The following TACC2 variants were observed in gnomAD, a reference collection of about 807,000 sequenced individuals.
TACC2 encodes transforming acidic coiled-coil-containing protein 2.
Under a neutral mutation model 227.3 loss-of-function variants are expected in TACC2, and 137 were observed. The observed-to-expected ratio is 0.60, with a 90% CI of 0.52 to 0.69. TACC2 has a LOEUF of 0.69. Ranked by LOEUF, TACC2 falls within the 30% of genes least tolerant of loss-of-function variation. The pLI is 0.00. For missense variants in TACC2, 3,470 were observed against 3,694.4 expected (o/e 0.94, Z 1.57); for synonymous variants, 1,523 against 1,487.5 (o/e 1.02, Z -0.55).
intron 18 of TACC2, 65 bp downstream of exon 18, chr10:122,238,102 G>A (rs1564794674): frequency 1.2e-5 from 16 of 1,319,246 alleles, no homozygotes; most frequent in South Asian, 6.0e-5. Context: ...AATAATGACC[G>A]GAGCTGGTGT....
intron 5 of TACC2, among the ~76,000 whole-genome samples, chr10:122,121,115 C>A (rs1201891177): frequency 6.6e-6 from 1 of 152,150 alleles, no homozygotes; most frequent in Non-Finnish European, 1.5e-5. Context: ...CCTGGGGTGC[C>A]TGAAGGAGCA....
chr10:122,214,000 T>A (rs1267793262), intron 9 of TACC2, among the ~76,000 whole-genome samples: 1 of 152,152 alleles, frequency 6.6e-6, no homozygotes, highest in African/African-American at 2.4e-5. Flanking sequence ...CATCTGTGGG[T>A]CACCCTGCCA....
chr10:122,116,283 G>A (rs930840015), intron 5 of TACC2, among the ~76,000 whole-genome samples: 1 of 152,166 alleles, frequency 6.6e-6, no homozygotes, highest in Non-Finnish European at 1.5e-5. Flanking sequence ...TGTCAGCTCT[G>A]TCCCCATCCC....
chr10:122,168,172 TG>T (rs2093291977), intron 7 of TACC2, among the ~76,000 whole-genome samples: 1 of 151,826 alleles, frequency 6.6e-6, no homozygotes, highest in South Asian at 2.1e-4. Flanking sequence ...CCCGAAGTGT[TG>T]GGATCACAGG....
chr10:122,151,720 T>G (rs778008199), intron 7 of TACC2, among the ~76,000 whole-genome samples: 1 of 152,298 alleles, frequency 6.6e-6, no homozygotes, highest in South Asian at 2.1e-4. Context: ...GTGGAAGTTG[T>G]TCCTGTGGTC....
At chr10:122,040,847 C>T (rs747442208) in intron 2 of TACC2, among the ~76,000 whole-genome samples, 11 of 152,164 alleles carry the variant, frequency 7.2e-5, no homozygotes, top group African/African-American at 2.2e-4. Flanking sequence ...TCAAGGAAGG[C>T]GCTTCTGGGG....
intron 5 of TACC2, chr10:122,126,719 G>A (rs372757758): frequency 1.3e-5 from 2 of 151,464 alleles, no homozygotes; most frequent in East Asian, 3.9e-4. Context: ...CATCTGGAAA[G>A]CCCTTTGCAC....
intron 7 of TACC2, among the ~76,000 whole-genome samples, chr10:122,187,162 T>C (rs2094229082): frequency 6.6e-6 from 1 of 151,710 alleles, no homozygotes; most frequent in African/African-American, 2.4e-5. Context: ...TGTTGGGGAG[T>C]GAGGAGTGAG....
intron 1 of TACC2, among the ~76,000 whole-genome samples, chr10:122,019,345 G>A (rs540339549): frequency 1.3e-5 from 2 of 152,316 alleles, no homozygotes; most frequent in Non-Finnish European, 1.5e-5. Flanking sequence ...TTTTGTATGT[G>A]CGTTTCCACA....
At chr10:122,033,462 C>T (rs1959193577) in intron 2 of TACC2, among the ~76,000 whole-genome samples, 1 of 152,214 alleles carries the variant, frequency 6.6e-6, no homozygotes, top group Non-Finnish European at 1.5e-5. Context: ...GGAGCCAATA[C>T]TAACCCCTCC....
intron 1 of TACC2, among the ~76,000 whole-genome samples, chr10:121,993,344 G>T (rs1241800015): frequency 6.6e-6 from 1 of 152,158 alleles, no homozygotes; most frequent in Non-Finnish European, 1.5e-5. Flanking sequence ...TATTTCCGAT[G>T]AAAATTAGAT....
chr10:122,132,043 A>AGAAT (rs2088273601), intron 5 of TACC2, among the ~76,000 whole-genome samples: 1 of 1,140 alleles, frequency 8.8e-4, no homozygotes, highest in Admixed American at 0.012. Context: ...AAAGAAAGAA[A>AGAAT]GAAAGAAAGA....
intron 7 of TACC2, among the ~76,000 whole-genome samples, chr10:122,156,372 C>T (rs758947268): frequency 5.3e-5 from 8 of 151,276 alleles, no homozygotes; most frequent in South Asian, 2.1e-4. Flanking sequence ...AACAGGCACT[C>T]GCCACCATGC....
intron 1 of TACC2, among the ~76,000 whole-genome samples, chr10:121,990,845 T>C (rs1335350783): frequency 3.9e-5 from 6 of 152,196 alleles, no homozygotes; most frequent in Admixed American, 2.0e-4. Context: ...TGGAGTGTAG[T>C]GTTGCCTTCT....
intron 5 of TACC2, among the ~76,000 whole-genome samples, chr10:122,093,321 G>A (rs1565286791): frequency 1.3e-5 from 2 of 152,182 alleles, no homozygotes; most frequent in Admixed American, 1.3e-4. Flanking sequence ...CACTGGAGCC[G>A]CTTCTCTCTT....
chr10:122,044,171 G>A (rs933482899), intron 2 of TACC2, among the ~76,000 whole-genome samples: 3 of 152,164 alleles, frequency 2.0e-5, no homozygotes, highest in African/African-American at 4.8e-5. Flanking sequence ...CTGCTCTATC[G>A]TGCTGTATCA....
At chr10:121,998,554 C>A (rs552178603) in intron 1 of TACC2, among the ~76,000 whole-genome samples, 1 of 152,066 alleles carries the variant, frequency 6.6e-6, no homozygotes, top group Admixed American at 6.6e-5. Flanking sequence ...ACCTTGCCAA[C>A]GTTTCGTAAG....
At chr10:122,125,705 G>C (rs2086703152) in intron 5 of TACC2, among the ~76,000 whole-genome samples, 1 of 151,310 alleles carries the variant, frequency 6.6e-6, no homozygotes, top group African/African-American at 2.4e-5. Context: ...TGGCTGTAAA[G>C]TCATCATTTT....
At chr10:122,159,987 G>A (rs1180576157) in intron 7 of TACC2, among the ~76,000 whole-genome samples, 1 of 152,142 alleles carries the variant, frequency 6.6e-6, no homozygotes, top group African/African-American at 2.4e-5. Flanking sequence ...GGCTCCGTCC[G>A]TTGAACCTCT....
Sources: gnomAD v4.1 joint callset for allele counts (sites outside exome capture counted in the v4.1 genomes callset) on GRCh38, gnomAD v4.1.1 for gene constraint, MANE v1.5 for transcripts, NCBI Gene and HGNC (gene_info 2026-07-23, HGNC 2026-07-21) for gene names.